Variants in PCDH15 observed in about 807,000 individuals in gnomAD.
The protein encoded by PCDH15 is protocadherin-15.
In PCDH15, 129 loss-of-function variants were observed where a neutral mutation model predicts 178.5. The ratio of observed to expected loss-of-function variants is 0.72; its 90% CI spans 0.63 to 0.84. PCDH15 has a LOEUF of 0.84. PCDH15 is among the 40% of genes least tolerant of loss of function. PCDH15 has a pLI of 0.00. For synonymous variants in PCDH15, 800 were observed against 732.0 expected (o/e 1.09, Z -1.50); for missense variants, 2,230 against 2,099.9 (o/e 1.06, Z -1.21).
At chr10:54,875,097 C>T (rs1390141891) in intron 3 of PCDH15, among the ~76,000 whole-genome samples, 1 of 152,170 alleles carries the variant, frequency 6.6e-6, no homozygotes, top group Non-Finnish European at 1.5e-5. Flanking sequence ...TCTATCAGTG[C>T]TATTTTTCGA....
intron 8 of PCDH15, among the ~76,000 whole-genome samples, chr10:54,301,047 C>T (rs948028677): frequency 8.5e-5 from 13 of 152,098 alleles, no homozygotes; most frequent in African/African-American, 2.4e-4. Context: ...CTGAAGTCAG[C>T]GAGACCACGA....
intron 19 of PCDH15, among the ~76,000 whole-genome samples, chr10:54,022,007 T>C (rs2092935960): frequency 6.6e-6 from 1 of 152,104 alleles, no homozygotes. Context: ...GTATTTGCCT[T>C]ATTTAGATTT....
rs7893272 is a variant in PCDH15, at chr10:54,976,222, A to G, written c.-79-78722T>C. 5.3e-3 allele frequency among the ~76,000 whole-genome samples: 800 copies of G among 152,318 alleles called. 5 individuals are homozygous for G. The highest frequency in any genetic ancestry group is 0.018 in the African/African-American group (764 of 41,576). On this transcript the variant is annotated intron_variant, in intron 2 of 5. Coordinates refer to the PCDH15 transcript ENST00000458638. ...ATTAATTTCAAAGAAAGAAAACAAA[A>G]TATCAGATATAGTCTTAAAATCAAT...
At chr10:55,307,308 C>G (rs1202786226) in intron 1 of PCDH15, among the ~76,000 whole-genome samples, 2 of 151,852 alleles carry the variant, frequency 1.3e-5, no homozygotes, top group African/African-American at 2.4e-5. Context: ...CCAGACCATC[C>G]TGGCTAACAC....
chr10:53,984,143 C>CTTTTTTTTT (rs1564928742), intron 21 of PCDH15, among the ~76,000 whole-genome samples: 1 of 43,742 alleles, frequency 2.3e-5, no homozygotes, highest in East Asian at 5.2e-4. Context: ...TTTCTTTTTT[C>CTTTTTTTTT]TTTTCTTTTT....
chr10:54,272,476 G>A (rs1317219110), intron 8 of PCDH15, among the ~76,000 whole-genome samples: 1 of 151,444 alleles, frequency 6.6e-6, no homozygotes, highest in East Asian at 1.9e-4. Flanking sequence ...TTTGATGACA[G>A]TGGATAAGCA....
intron 1 of PCDH15, among the ~76,000 whole-genome samples, chr10:55,250,534 C>CTTTTT (rs777000807): frequency 2.6e-4 from 28 of 107,976 alleles, no homozygotes; most frequent in East Asian, 1.3e-3. Flanking sequence ...TAAATAAATT[C>CTTTTT]TTTTTTTTTT....
chr10:54,016,638 C>T (rs554194293), intron 20 of PCDH15, among the ~76,000 whole-genome samples: 1 of 152,234 alleles, frequency 6.6e-6, no homozygotes, highest in African/African-American at 2.4e-5. Context: ...GAACAGAAAA[C>T]CAAATACTGC....
chr10:55,481,160 T>G (rs1840172413), intron 2 of PCDH15, among the ~76,000 whole-genome samples: 2 of 151,948 alleles, frequency 1.3e-5, no homozygotes, highest in Admixed American at 6.6e-5. Context: ...GTTGTTTGTA[T>G]TTCTGTGGGG....
At chr10:53,833,751 T>C (rs2077145921) in intron 29 of PCDH15, among the ~76,000 whole-genome samples, 1 of 152,080 alleles carries the variant, frequency 6.6e-6, no homozygotes, top group Middle Eastern at 3.2e-3. Flanking sequence ...CAGAAATAAC[T>C]GTCATTATCA....
At chr10:54,497,936 A>C (rs1173173028) in intron 3 of PCDH15, among the ~76,000 whole-genome samples, 3 of 152,074 alleles carry the variant, frequency 2.0e-5, no homozygotes, top group Admixed American at 2.0e-4. Flanking sequence ...GTGACATGAC[A>C]ATTTAGGAAA....
intron 2 of PCDH15, among the ~76,000 whole-genome samples, chr10:54,607,502 C>A (rs1345105750): frequency 1.3e-5 from 2 of 151,990 alleles, no homozygotes; most frequent in East Asian, 1.9e-4. Context: ...CAGGTCCCTG[C>A]CCTCAGAGAC....
intron 5 of PCDH15, among the ~76,000 whole-genome samples, chr10:54,347,139 G>C (rs1320456365): frequency 6.6e-6 from 1 of 152,094 alleles, no homozygotes; most frequent in South Asian, 2.1e-4. Flanking sequence ...TAAATTGCTA[G>C]TCTTAATTCT....
chr10:55,271,873 T>A (rs917184461), intron 1 of PCDH15, among the ~76,000 whole-genome samples: 14 of 152,060 alleles, frequency 9.2e-5, no homozygotes, highest in Admixed American at 8.5e-4. Context: ...ATTCACTAAT[T>A]TTGCAAATAT....
intron 3 of PCDH15, among the ~76,000 whole-genome samples, chr10:54,381,764 T>G (rs1415466245): frequency 6.6e-6 from 1 of 152,062 alleles, no homozygotes; most frequent in African/African-American, 2.4e-5. Context: ...TACATGAAAT[T>G]TTCCTTTCAT....
intron 2 of PCDH15, among the ~76,000 whole-genome samples, chr10:55,532,689 G>C (rs528185064): frequency 1.3e-5 from 2 of 152,178 alleles, no homozygotes; most frequent in South Asian, 4.1e-4. Context: ...GGAGGTGACA[G>C]TTAAATGCTA....
intron 8 of PCDH15, among the ~76,000 whole-genome samples, chr10:54,262,829 A>T (rs1238812208): frequency 2.0e-5 from 3 of 152,204 alleles, no homozygotes; most frequent in South Asian, 4.1e-4. Context: ...TGCCTGGAGT[A>T]GCTCAACAAT....
intron 2 of PCDH15, among the ~76,000 whole-genome samples, chr10:55,373,366 A>G (rs1283077724): frequency 2.0e-5 from 3 of 152,196 alleles, no homozygotes; most frequent in Non-Finnish European, 4.4e-5. Flanking sequence ...GAAAGTATCA[A>G]TTAAGAATTT....
At chr10:53,877,344 G>C (rs747443633) in intron 26 of PCDH15, among the ~76,000 whole-genome samples, 13 of 152,004 alleles carry the variant, frequency 8.6e-5, no homozygotes, top group Non-Finnish European at 1.6e-4. Context: ...CTATTATATA[G>C]ACAAGTTAAC....
Sources: gnomAD v4.1 joint callset for allele counts (sites outside exome capture counted in the v4.1 genomes callset) on GRCh38, gnomAD v4.1.1 for gene constraint, MANE v1.5 for transcripts, NCBI Gene and HGNC (gene_info 2026-07-23, HGNC 2026-07-21) for gene names.